Variants in MRPL48 observed in about 807,000 individuals in gnomAD.
The protein encoded by MRPL48 is mitochondrial ribosomal protein L48, also known as large ribosomal subunit protein mL48.
MRPL48 carries 16 observed loss-of-function variants against 32.9 expected under a neutral mutation model. That is an observed-to-expected ratio of 0.49 (90% confidence interval 0.33 to 0.74). The LOEUF (loss-of-function observed/expected upper bound fraction) is 0.74, where lower values mean the gene tolerates loss of function less well. MRPL48 is among the 30% of genes least tolerant of loss of function. The pLI, the probability that MRPL48 is intolerant of heterozygous loss-of-function variation, is 0.02. For synonymous variants in MRPL48, 94 were observed against 89.2 expected (o/e 1.05, Z -0.31); for missense variants, 206 against 245.3 (o/e 0.84, Z 1.07).
In MRPL48 at chr11:73,864,353, T is replaced by C; in HGVS notation, c.622T>C (p.Leu208=). ...AGCTCGACCAGAACTGGAAGAACTGTTGGCCAAGTTGAAGTAGCTACTGTA... is the reference window on the plus strand; with the variant it reads ...AGCTCGACCAGAACTGGAAGAACTGCTGGCCAAGTTGAAGTAGCTACTGTA... ...FKARPELEEL[L]AKLK is the part of the protein sequence containing the mutation. Residue 208 remains leucine (L), a synonymous_variant, in exon 8 of 8, where the codon TTG becomes CTG. Transcript: ENST00000310614. 6.2e-7 allele frequency: 1 copy of C among 1,613,884 alleles called. No individual in the cohort carries two copies. The highest frequency in any genetic ancestry group is 1.7e-5 in the Admixed American group (1 of 60,006).
At chr11:73,839,450 GATAGACAA>G (rs1948154198) in intron 4 of MRPL48, among the ~76,000 whole-genome samples, 1 of 152,048 alleles carries the variant, frequency 6.6e-6, no homozygotes, top group Admixed American at 6.6e-5. Context: ...TTATCTCATG[GATAGACAA>G]ATAGCCCAAT....
At chr11:73,846,977 T>C (rs1403102937) in intron 5 of MRPL48, among the ~76,000 whole-genome samples, 1 of 151,618 alleles carries the variant, frequency 6.6e-6, no homozygotes, top group East Asian at 1.9e-4. Flanking sequence ...TTTTTTCTTT[T>C]TTTTTTTTTG....
At position 73,808,310 on chromosome 11, in the gene MRPL48, T is replaced by C. The variant is rs1419737494; in HGVS notation, c.75-3T>C. 6.2e-7 allele frequency: 1 copy of C among 1,605,498 alleles called. No individual in the cohort carries two copies. Among genetic ancestry groups the C allele is most frequent in the Non-Finnish European group, 8.5e-7 (1 of 1,175,082 alleles). The stretch of plus-strand genomic sequence containing the variant: ...ATTGAACATACTTTCTCCCTCCTTT[T>C]AGGTTTAGAACTTCAGGAGAGAAGC... On this transcript the variant is annotated splice_polypyrimidine_tract_variant and splice_region_variant and intron_variant, in intron 2 of 7. Transcript: ENST00000310614.
In MRPL48 at chr11:73,845,865, C is replaced by T. The variant is rs550346098; in HGVS notation, c.371+889C>T. Among the ~76,000 whole-genome samples, 40 of 151,986 alleles carry T rather than the reference C, an allele frequency of 2.6e-4. 1 individual carries two copies. The highest frequency in any genetic ancestry group is 2.4e-3 in the Admixed American group (37 of 15,250). ...GGTGGATCACCAGAGGTCAGGAGTT[C>T]GAGACTAGTTTGGCTAACATGGCAA... On this transcript the variant is annotated intron_variant, in intron 5 of 7. Coordinates refer to ENST00000310614, the MANE Select transcript of MRPL48 (RefSeq NM_016055.6).
At chr11:73,793,125 G>C (rs1402236019) in intron 1 of MRPL48, among the ~76,000 whole-genome samples, 1 of 152,162 alleles carries the variant, frequency 6.6e-6, no homozygotes, top group Non-Finnish European at 1.5e-5. Flanking sequence ...GAGTGCAATG[G>C]TGCGATCTCA....
chr11:73,839,495 C>A (rs1321377519), intron 4 of MRPL48, among the ~76,000 whole-genome samples: 1 of 152,052 alleles, frequency 6.6e-6, no homozygotes, highest in Non-Finnish European at 1.5e-5. Context: ...GAAACAAATG[C>A]ACATATCTCT....
chr11:73,794,567 A>T (rs559657139), intron 1 of MRPL48, among the ~76,000 whole-genome samples: 1 of 151,824 alleles, frequency 6.6e-6, no homozygotes, highest in South Asian at 2.1e-4. Flanking sequence ...GGAAAAAAAA[A>T]AAAAATTTAA....
chr11:73,812,717 A>AATAT (rs370608269), intron 3 of MRPL48, among the ~76,000 whole-genome samples: 7,965 of 135,428 alleles, frequency 0.059, 336 homozygotes, highest in Middle Eastern at 0.09. Context: ...CCCATGTCTA[A>AATAT]ATATATATAT....
chr11:73,791,604 A>G (rs1385996149), intron 1 of MRPL48, among the ~76,000 whole-genome samples: 5 of 151,812 alleles, frequency 3.3e-5, no homozygotes, highest in African/African-American at 1.2e-4. Flanking sequence ...TTTTTTGTAG[A>G]GATGGGGTTT....
rs1948642102 is a variant in MRPL48, at chr11:73,864,779, C to G, written c.*409C>G. The G allele has an allele frequency of 1.1e-5, 2 of 188,800 alleles. No individual in the cohort carries two copies. Among genetic ancestry groups the G allele is most frequent in the African/African-American group, 2.3e-5 (1 of 43,010 alleles). 11.7% of individuals were successfully genotyped at this position (188,800 alleles called of 1,614,324 possible). A position where few individuals can be genotyped will look rare whatever the true frequency, so the allele number is the denominator to read the frequency against. On this transcript the variant is annotated 3_prime_UTR_variant, in exon 8 of 8. Coordinates refer to ENST00000310614, the MANE Select transcript of MRPL48 (RefSeq NM_016055.6). ...TGAGACCAGCCTGGCAACATTCTGT[C>G]TTTACCAAAAACATTCTTTTTTTTT...
chr11:73,832,965 A>T (rs1948022708), intron 4 of MRPL48, among the ~76,000 whole-genome samples: 1 of 152,186 alleles, frequency 6.6e-6, no homozygotes, highest in Non-Finnish European at 1.5e-5. Flanking sequence ...CAAAAGTGTA[A>T]CTAAATACTT....
intron 3 of MRPL48, chr11:73,823,096 A>G (rs1017086645): frequency 2.6e-6 from 1 of 383,874 alleles, no homozygotes; most frequent in Non-Finnish European, 5.2e-6. Flanking sequence ...ATTTCATTAT[A>G]TATTACAATG....
At chr11:73,791,550 G>A (rs140788690) in intron 1 of MRPL48, among the ~76,000 whole-genome samples, 49 of 152,194 alleles carry the variant, frequency 3.2e-4, no homozygotes, top group African/African-American at 1.2e-3. Flanking sequence ...CTGAGTAGCT[G>A]GGATTACAGG....
chr11:73,800,810 C>CTTTT (rs1223951183), intron 1 of MRPL48, among the ~76,000 whole-genome samples: 2 of 132,866 alleles, frequency 1.5e-5, no homozygotes, highest in Non-Finnish European at 3.2e-5. Context: ...TTTTCTTTTT[C>CTTTT]TTTTTTTTTT....
At chr11:73,794,320 C>T (rs1331465628) in intron 1 of MRPL48, among the ~76,000 whole-genome samples, 1 of 151,954 alleles carries the variant, frequency 6.6e-6, no homozygotes, top group East Asian at 1.9e-4. Context: ...CTTTGGGAGG[C>T]TGAGGCAGCG....
intron 1 of MRPL48, among the ~76,000 whole-genome samples, chr11:73,804,789 A>T (rs1245123950): frequency 6.6e-6 from 1 of 152,208 alleles, no homozygotes; most frequent in East Asian, 1.9e-4. Context: ...AACAGTGAAA[A>T]AGCAGTGTGG....
At position 73,825,284 on chromosome 11, in the gene MRPL48, A is replaced by ATATGTGTGTGTGTGTG. The variant is rs146232365; in HGVS notation, c.113-423_113-422insATGTGTGTGTGTGTGT. Among the ~76,000 whole-genome samples the ATATGTGTGTGTGTGTG allele has an allele frequency of 1.8e-3, 250 of 139,898 alleles. 3 individuals are homozygous for ATATGTGTGTGTGTGTG. The highest frequency in any genetic ancestry group is 0.017 in the South Asian group (68 of 4,018). 91.8% of individuals were successfully genotyped at this position (139,898 alleles called of 152,430 possible). Reference sequence around the variant, plus strand: ...CTTACTGTTACCTTGTTTTTTATATATGTGTGTGTGTGTGTGTGTGTGTGT... The same window carrying ATATGTGTGTGTGTGTG: ...CTTACTGTTACCTTGTTTTTTATATATATGTGTGTGTGTGTGTGTGTGTGTGTGTGTGTGTGTGTGT... On this transcript the variant is annotated intron_variant, in intron 3 of 7. Transcript: ENST00000310614.
At chr11:73,813,472 C>A (rs1287284153) in intron 3 of MRPL48, among the ~76,000 whole-genome samples, 1 of 152,082 alleles carries the variant, frequency 6.6e-6, no homozygotes, top group East Asian at 1.9e-4. Flanking sequence ...CTGTGCCTGG[C>A]CCATTTATGT....
At chr11:73,850,717 C>T (rs1420522476) in intron 5 of MRPL48, 4 of 210,022 alleles carry the variant, frequency 1.9e-5, no homozygotes, top group African/African-American at 9.7e-5. Flanking sequence ...CGCTCTGTCG[C>T]CCAGGCTGGA....
Sources: allele counts gnomAD v4.1 joint callset (sites outside exome capture counted in the v4.1 genomes callset), GRCh38; gene constraint gnomAD v4.1.1; transcripts MANE v1.5; gene names NCBI Gene and HGNC (gene_info 2026-07-23, HGNC 2026-07-21).